Variants in SFSWAP observed in about 807,000 individuals in gnomAD.
SFSWAP encodes splicing factor, suppressor of white-apricot homolog.
A neutral mutation model predicts 100.7 loss-of-function variants in SFSWAP; 17 were observed. That is an observed-to-expected ratio of 0.17 (90% CI 0.12 to 0.25). The LOEUF is 0.25. Among genes scored for constraint, SFSWAP ranks in the 10% least tolerant of loss-of-function variants. SFSWAP has a pLI of 1.00. For synonymous variants in SFSWAP, 504 were observed against 510.1 expected (o/e 0.99, Z 0.16); for missense variants, 1,005 against 1,262.6 (o/e 0.80, Z 3.09).
At chr12:131,743,715 T>G (rs1372668335) in intron 7 of SFSWAP, among the ~76,000 whole-genome samples, 1 of 152,214 alleles carries the variant, frequency 6.6e-6, no homozygotes, top group Non-Finnish European at 1.5e-5. Context: ...CACTAGGCAG[T>G]ACCCCAGTAG....
chr12:131,774,407 CA>C (rs761221172), intron 13 of SFSWAP, among the ~76,000 whole-genome samples: 1 of 152,166 alleles, frequency 6.6e-6, no homozygotes, highest in Non-Finnish European at 1.5e-5. Context: ...CATCGTGACA[CA>C]GGGGGACTAA....
In SFSWAP at chr12:131,797,220, G is replaced by A; in HGVS notation, c.2577G>A (p.Arg859=). ...EKKKKRRSRS[R]TKSKARSQSV... is the part of the protein sequence containing the mutation. ...AGAAGAAGAGGCGGTCCCGGTCGCG[G>A]ACCAAGTCCAAGGCCAGGTCTCAGT... The change falls in exon 16 of 18, where the codon CGG becomes CGA. Residue 859 remains arginine, a synonymous_variant. Transcript: ENST00000261674. 2 of 1,612,128 alleles carry A rather than the reference G, an allele frequency of 1.2e-6. No homozygotes were observed. The highest frequency in any genetic ancestry group is 8.5e-7 in the Non-Finnish European group (1 of 1,179,814).
At chr12:131,787,849 G>A (rs549409959) in intron 15 of SFSWAP, among the ~76,000 whole-genome samples, 4 of 152,294 alleles carry the variant, frequency 2.6e-5, no homozygotes, top group South Asian at 4.1e-4. Context: ...GGTTCCCTCC[G>A]TTGACAAGAT....
At chr12:131,715,721 A>G (rs1170130567) in intron 3 of SFSWAP, among the ~76,000 whole-genome samples, 1 of 152,062 alleles carries the variant, frequency 6.6e-6, no homozygotes, top group East Asian at 1.9e-4. Context: ...AAAAAGAAGA[A>G]GAACATTAAC....
intron 7 of SFSWAP, among the ~76,000 whole-genome samples, chr12:131,732,566 G>C (rs1436099022): frequency 2.6e-5 from 4 of 152,212 alleles, no homozygotes; most frequent in Non-Finnish European, 5.9e-5. Context: ...TTGAGAAGCA[G>C]GTCTGCGGAT....
intron 4 of SFSWAP, among the ~76,000 whole-genome samples, chr12:131,721,975 T>C (rs1222312896): frequency 6.6e-6 from 1 of 152,234 alleles, no homozygotes; most frequent in Non-Finnish European, 1.5e-5. Context: ...ATTGTGTAAA[T>C]TATACACCGT....
chr12:131,755,550 TTC>T, intron 10 of SFSWAP, 71 bp downstream of exon 10: 2 of 1,023,492 alleles, frequency 2.0e-6, no homozygotes, highest in Admixed American at 2.0e-5. Flanking sequence ...AGAAGTCGCT[TTC>T]TGTTTCTTCT....
At chr12:131,740,565 T>A (rs202036705) in intron 7 of SFSWAP, among the ~76,000 whole-genome samples, 2 of 152,328 alleles carry the variant, frequency 1.3e-5, no homozygotes, top group East Asian at 3.9e-4. Flanking sequence ...TTGGTGCCTC[T>A]GCTTGAAGGA....
chr12:131,770,280 G>A (rs746946920), intron 13 of SFSWAP, among the ~76,000 whole-genome samples: 2 of 152,150 alleles, frequency 1.3e-5, no homozygotes, highest in Admixed American at 1.3e-4. Flanking sequence ...GACCACATTC[G>A]GCCACCGCAC....
At chr12:131,747,052 C>T (rs185342720) in intron 7 of SFSWAP, among the ~76,000 whole-genome samples, 24 of 146,416 alleles carry the variant, frequency 1.6e-4, no homozygotes, top group Admixed American at 4.2e-4. Context: ...TGCAGTGAGC[C>T]GAGATCGCAC....
chr12:131,728,554 C>T, intron 7 of SFSWAP, 126 bp downstream of exon 7: 1 of 1,042,632 alleles, frequency 9.6e-7, no homozygotes, highest in South Asian at 1.6e-5. Context: ...CGGCCCAGAG[C>T]CTGCACATGG....
At chr12:131,770,185 G>A (rs1026412263) in intron 13 of SFSWAP, among the ~76,000 whole-genome samples, 1 of 152,214 alleles carries the variant, frequency 6.6e-6, no homozygotes, top group Non-Finnish European at 1.5e-5. Context: ...AAGTATTCTA[G>A]CATCTGCTTT....
chr12:131,770,328 C>T (rs1016813837), intron 13 of SFSWAP, among the ~76,000 whole-genome samples: 3 of 152,200 alleles, frequency 2.0e-5, no homozygotes, highest in African/African-American at 7.2e-5. Context: ...GAGGGCACGT[C>T]GGCACCAGGA....
intron 14 of SFSWAP, chr12:131,783,376 C>G (rs1322237544): frequency 2.0e-5 from 3 of 152,122 alleles, no homozygotes; most frequent in Non-Finnish European, 4.4e-5. Flanking sequence ...AAGATAGTCT[C>G]TTGTGTTCAT....
Position 131,756,469 on chromosome 12 carries a change from C to A in SFSWAP, c.1549-4C>A. ...GACAGTTTATAGTGACATTTAATCT[C>A]TAGGCTGTGTCTGCACCAGAAGAGG... On this transcript the variant is annotated splice_region_variant and splice_polypyrimidine_tract_variant and intron_variant, in intron 10 of 17. Coordinates refer to ENST00000261674, the MANE Select transcript of SFSWAP (RefSeq NM_004592.4). The A allele has an allele frequency of 1.9e-6, 3 of 1,613,352 alleles. No individual in the cohort carries two copies. Among genetic ancestry groups the A allele is most frequent in the South Asian group, 2.2e-5 (2 of 91,048 alleles).
chr12:131,752,583 CG>C (rs1316873899), intron 7 of SFSWAP, among the ~76,000 whole-genome samples: 5 of 152,308 alleles, frequency 3.3e-5, no homozygotes, highest in Non-Finnish European at 7.4e-5. Flanking sequence ...TTGCTGGGGC[CG>C]GGGGCTGACG....
intron 11 of SFSWAP, 87 bp from the exon 12 acceptor site, chr12:131,764,369 C>G: frequency 9.6e-7 from 1 of 1,043,526 alleles, no homozygotes; most frequent in East Asian, 2.5e-5. Context: ...CATCCCCTTC[C>G]CAGCAGCCGA....
At chr12:131,715,043 T>G in intron 3 of SFSWAP, 90 bp downstream of exon 3, 1 of 1,346,644 alleles carries the variant, frequency 7.4e-7, no homozygotes, top group East Asian at 2.3e-5. Context: ...AGAACACATC[T>G]CTGGCACTCA....
At chr12:131,745,491 A>G (rs1277663978) in intron 7 of SFSWAP, among the ~76,000 whole-genome samples, 1 of 152,200 alleles carries the variant, frequency 6.6e-6, no homozygotes, top group Non-Finnish European at 1.5e-5. Context: ...CCCTGGGTGT[A>G]TTAGGCACTT....
Sources: gnomAD v4.1 joint callset for allele counts (sites outside exome capture counted in the v4.1 genomes callset) on GRCh38, gnomAD v4.1.1 for gene constraint, MANE v1.5 for transcripts, NCBI Gene and HGNC (gene_info 2026-07-23, HGNC 2026-07-21) for gene names.